Variants in ERC2 observed in about 807,000 individuals in gnomAD.
ERC2 encodes the protein ERC protein 2.
ERC2 carries 42 observed loss-of-function variants against 114.8 expected under a neutral mutation model. That is an observed-to-expected ratio of 0.37 (90% CI 0.29 to 0.47). ERC2 has a LOEUF of 0.47. Among genes scored for constraint, ERC2 ranks in the 20% least tolerant of loss-of-function variants. The pLI is 0.99. For missense variants in ERC2, 939 were observed against 1,150.7 expected (o/e 0.82, Z 2.66); for synonymous variants, 454 against 425.5 (o/e 1.07, Z -0.82).
chr3:55,768,087 C>T (rs181116554), intron 14 of ERC2, among the ~76,000 whole-genome samples: 1 of 152,350 alleles, frequency 6.6e-6, no homozygotes, highest in Admixed American at 6.5e-5. Flanking sequence ...GATGTGCCTA[C>T]TTCCCCTTCA....
intron 2 of ERC2, among the ~76,000 whole-genome samples, chr3:56,306,069 G>A (rs568701516): frequency 5.9e-5 from 9 of 152,048 alleles, no homozygotes; most frequent in Middle Eastern, 3.4e-3. Flanking sequence ...GGCTGTTCTC[G>A]AACTCCTGAC....
intron 17 of ERC2, among the ~76,000 whole-genome samples, chr3:55,650,850 T>C (rs1278215353): frequency 7.0e-6 from 1 of 141,894 alleles, no homozygotes; most frequent in Non-Finnish European, 1.6e-5. Context: ...TGTTTTTTTT[T>C]TCTTTTTTTT....
intron 9 of ERC2, 148 bp downstream of exon 9, chr3:56,010,301 A>T: frequency 1.0e-6 from 1 of 981,232 alleles, no homozygotes; most frequent in Non-Finnish European, 1.5e-6. Flanking sequence ...AAATTCCTTT[A>T]AATTCAGGCA....
At chr3:56,431,481 T>C (rs2107337303) in intron 2 of ERC2, among the ~76,000 whole-genome samples, 1 of 152,286 alleles carries the variant, frequency 6.6e-6, no homozygotes, top group Middle Eastern at 3.4e-3. Flanking sequence ...AGTCACTGCA[T>C]GGAAAAGACC....
chr3:56,124,708 C>A (rs2149869561), intron 6 of ERC2, among the ~76,000 whole-genome samples: 1 of 152,188 alleles, frequency 6.6e-6, no homozygotes, highest in Non-Finnish European at 1.5e-5. Flanking sequence ...GCACAGCAGA[C>A]AAAATGATTC....
intron 6 of ERC2, among the ~76,000 whole-genome samples, chr3:56,131,387 A>T (rs1030922856): frequency 1.1e-4 from 16 of 152,208 alleles, no homozygotes; most frequent in African/African-American, 3.1e-4. Context: ...TTTTAAAGAC[A>T]TTCCTTGCAA....
At chr3:56,364,314 C>T (rs761640472) in intron 2 of ERC2, among the ~76,000 whole-genome samples, 12 of 152,128 alleles carry the variant, frequency 7.9e-5, no homozygotes, top group South Asian at 2.1e-4. Context: ...AAAATAGTGT[C>T]GAGCTGTCAA....
intron 17 of ERC2, among the ~76,000 whole-genome samples, chr3:55,552,647 A>G (rs2055295975): frequency 6.6e-6 from 1 of 151,922 alleles, no homozygotes; most frequent in Admixed American, 6.6e-5. Context: ...AGGAAAAAAA[A>G]AAAAGGAGAA....
chr3:55,607,620 T>G lies in ERC2; in HGVS notation c.*39+76174A>C, dbSNP rs867800866. Reference sequence around the variant, plus strand: ...AGAACTTAGAAAATAGTGTGTTTTTTTTTTTTTTTTCTATAAGAAGAGAGA... The same window carrying G: ...AGAACTTAGAAAATAGTGTGTTTTTGTTTTTTTTTTCTATAAGAAGAGAGA... On this transcript the variant is annotated intron_variant, in intron 17 of 17. Transcript: ENST00000288221. Among the ~76,000 whole-genome samples, 1,022 of 150,704 alleles carry G rather than the reference T, an allele frequency of 6.8e-3. 15 individuals are homozygous for G. The highest frequency in any genetic ancestry group is 0.017 in the Middle Eastern group (5 of 292).
At chr3:56,251,654 A>G (rs1560462705) in intron 3 of ERC2, among the ~76,000 whole-genome samples, 1 of 152,266 alleles carries the variant, frequency 6.6e-6, no homozygotes, top group Non-Finnish European at 1.5e-5. Context: ...TTCCCAAAGT[A>G]TATTTCTTGA....
At chr3:55,551,849 C>G (rs191788809) in intron 17 of ERC2, among the ~76,000 whole-genome samples, 1 of 152,246 alleles carries the variant, frequency 6.6e-6, no homozygotes, top group African/African-American at 2.4e-5. Flanking sequence ...GTAGCCCAGT[C>G]AAGTTGACAC....
At chr3:55,734,975 A>G in intron 14 of ERC2, 57 bp from the exon 15 acceptor site, 3 of 1,443,798 alleles carry the variant, frequency 2.1e-6, no homozygotes, top group Middle Eastern at 1.8e-4. Flanking sequence ...AAAACAAACA[A>G]TTGGCATTTA....
At chr3:56,069,468 C>G (rs1170312642) in intron 7 of ERC2, among the ~76,000 whole-genome samples, 3 of 152,046 alleles carry the variant, frequency 2.0e-5, no homozygotes, top group Non-Finnish European at 2.9e-5. Flanking sequence ...GCTGGGGTCT[C>G]TGCCTGTGGC....
At chr3:55,756,793 TA>T (rs1323833527) in intron 14 of ERC2, among the ~76,000 whole-genome samples, 3 of 152,104 alleles carry the variant, frequency 2.0e-5, no homozygotes, top group Admixed American at 6.6e-5. Context: ...CTTTCTCGCC[TA>T]CCACCCCATC....
intron 14 of ERC2, among the ~76,000 whole-genome samples, chr3:55,817,899 T>C (rs1314111903): frequency 6.6e-6 from 1 of 152,210 alleles, no homozygotes; most frequent in Non-Finnish European, 1.5e-5. Flanking sequence ...CTCCAGCTGA[T>C]GAGGACAGAG....
chr3:55,779,911 C>T (rs1405726133), intron 14 of ERC2, among the ~76,000 whole-genome samples: 1 of 151,664 alleles, frequency 6.6e-6, no homozygotes, highest in Admixed American at 6.6e-5. Flanking sequence ...TTGTTAAGTG[C>T]TCTTTGGGAA....
intron 3 of ERC2, among the ~76,000 whole-genome samples, chr3:56,262,545 G>A (rs553344787): frequency 6.6e-6 from 1 of 152,308 alleles, no homozygotes; most frequent in East Asian, 1.9e-4. Flanking sequence ...AAGGCCAAAG[G>A]AGTAACAGAT....
intron 2 of ERC2, among the ~76,000 whole-genome samples, chr3:56,324,589 C>T (rs1196606248): frequency 3.3e-5 from 5 of 152,078 alleles, no homozygotes; most frequent in Admixed American, 1.3e-4. Context: ...AAGGGTCTAA[C>T]GGGCCTTCAT....
Position 55,523,607 on chromosome 3 carries a change from G to A in ERC2, c.*40-12331C>T, listed in dbSNP as rs372792680. Among the ~76,000 whole-genome samples, 4 of 152,244 alleles carry A rather than the reference G, an allele frequency of 2.6e-5. No individual in the cohort carries two copies. The East Asian group carries it at 7.7e-4, about 29-fold the overall frequency. On this transcript the variant is annotated intron_variant, in intron 17 of 17. Transcript: ENST00000288221. Reference sequence around the variant, plus strand: ...ATGCACTCCTGCTTCTGGGCAACTTGGCATCAGACATTTGTGTTAGGATCT... The same window carrying A: ...ATGCACTCCTGCTTCTGGGCAACTTAGCATCAGACATTTGTGTTAGGATCT...
Sources: allele counts gnomAD v4.1 joint callset (sites outside exome capture counted in the v4.1 genomes callset), GRCh38; gene constraint gnomAD v4.1.1; transcripts MANE v1.5; gene names NCBI Gene and HGNC (gene_info 2026-07-23, HGNC 2026-07-21).